Variants in ELMO1 observed in about 807,000 individuals in gnomAD.
ELMO1 encodes the protein engulfment and cell motility 1.
In ELMO1, 26 loss-of-function variants were observed where a neutral mutation model predicts 98.9. The ratio of observed to expected loss-of-function variants is 0.26; its 90% CI spans 0.19 to 0.36. The LOEUF (loss-of-function observed/expected upper bound fraction) is 0.36, where lower values mean the gene tolerates loss of function less well. Ranked by LOEUF, ELMO1 falls within the 10% of genes least tolerant of loss-of-function variation. The probability of loss-of-function intolerance (pLI) is 1.00; values close to 1 mark genes in which losing one functional copy is unlikely to be tolerated. For missense variants in ELMO1, 627 were observed against 935.2 expected (o/e 0.67, Z 4.30); for synonymous variants, 346 against 346.0 (o/e 1.00, Z 0.00).
At chr7:36,985,054 C>T in intron 16 of ELMO1, 1 of 985,326 alleles carries the variant, frequency 1.0e-6, no homozygotes, top group Non-Finnish European at 1.2e-6. Flanking sequence ...CCCACGCTGC[C>T]CCTCCATTGC....
intron 15 of ELMO1, among the ~76,000 whole-genome samples, chr7:37,045,851 T>C (rs937810848): frequency 6.6e-6 from 1 of 152,180 alleles, no homozygotes; most frequent in Non-Finnish European, 1.5e-5. Flanking sequence ...ACACATTATC[T>C]AGATAACAAC....
intron 1 of ELMO1, among the ~76,000 whole-genome samples, chr7:37,365,495 G>C (rs906424129): frequency 1.3e-5 from 2 of 152,214 alleles, no homozygotes. Flanking sequence ...GGAAAAAGCA[G>C]AAGAGAAGCC....
At chr7:36,992,453 T>C (rs1400069648) in intron 16 of ELMO1, among the ~76,000 whole-genome samples, 1 of 152,190 alleles carries the variant, frequency 6.6e-6, no homozygotes, top group African/African-American at 2.4e-5. Context: ...ATTTTCCAAA[T>C]ATACCATGGA....
chr7:36,978,053 A>T (rs1790727024), intron 16 of ELMO1, among the ~76,000 whole-genome samples: 1 of 152,228 alleles, frequency 6.6e-6, no homozygotes, highest in Admixed American at 6.5e-5. Context: ...ACAGTACCTG[A>T]TACAGGGTTG....
At chr7:37,041,854 G>T (rs1225768625) in intron 15 of ELMO1, among the ~76,000 whole-genome samples, 1 of 152,054 alleles carries the variant, frequency 6.6e-6, no homozygotes, top group Admixed American at 6.6e-5. Context: ...AGTGGACACG[G>T]GTTTTCTTGA....
At chr7:37,162,547 TG>T (rs1789297525) in intron 13 of ELMO1, among the ~76,000 whole-genome samples, 1 of 152,226 alleles carries the variant, frequency 6.6e-6, no homozygotes, top group Non-Finnish European at 1.5e-5. Flanking sequence ...CAGGAGCACT[TG>T]TCAACCTACA....
Position 37,232,306 on chromosome 7 carries a change from A to T in ELMO1, c.549+789T>A, listed in dbSNP as rs1379965003. On this transcript the variant is annotated intron_variant, in intron 8 of 21. Transcript: ENST00000310758. ...CCAAACATCTCTTTATTCCTAATAC[A>T]GTAGTAGGGAGGAGAAATGCCAATG... is the stretch of plus-strand genomic sequence containing the variant. 3.3e-5 allele frequency among the ~76,000 whole-genome samples: 5 copies of T among 152,244 alleles called. No individual in the cohort carries two copies. The East Asian group carries it at 9.6e-4, about 29-fold the overall frequency.
chr7:36,980,596 T>A (rs1428125542), intron 16 of ELMO1, among the ~76,000 whole-genome samples: 2 of 152,266 alleles, frequency 1.3e-5, no homozygotes, highest in Non-Finnish European at 2.9e-5. Context: ...ATCATATGAA[T>A]AATTTTCTAG....
chr7:37,033,163 G>A (rs1054348128), intron 15 of ELMO1, among the ~76,000 whole-genome samples: 5 of 152,016 alleles, frequency 3.3e-5, no homozygotes, highest in South Asian at 4.2e-4. Flanking sequence ...ATGCATATAC[G>A]TCTGCCTGCA....
chr7:37,416,478 C>T (rs1804219217), intron 1 of ELMO1, among the ~76,000 whole-genome samples: 1 of 152,146 alleles, frequency 6.6e-6, no homozygotes, highest in Admixed American at 6.5e-5. Flanking sequence ...GACCTATGGC[C>T]ACCTCACCCA....
chr7:37,170,796 G>A (rs758497292), intron 13 of ELMO1, among the ~76,000 whole-genome samples: 4 of 151,864 alleles, frequency 2.6e-5, no homozygotes, highest in Non-Finnish European at 5.9e-5. Context: ...TAGTAGAGAC[G>A]GGGTTTCAAC....
intron 16 of ELMO1, among the ~76,000 whole-genome samples, chr7:36,964,287 T>A (rs899735513): frequency 3.9e-5 from 6 of 152,218 alleles, no homozygotes; most frequent in African/African-American, 1.4e-4. Context: ...ATGCTGAACA[T>A]CATAGCTTAG....
chr7:37,277,739 C>T (rs1244183777), intron 4 of ELMO1, among the ~76,000 whole-genome samples: 1 of 152,226 alleles, frequency 6.6e-6, no homozygotes, highest in Admixed American at 6.5e-5. Context: ...AGCCTCTGGG[C>T]TGAGAATAGA....
chr7:37,133,067 G>A, intron 14 of ELMO1, 63 bp downstream of exon 14: 1 of 1,312,578 alleles, frequency 7.6e-7, no homozygotes, highest in Non-Finnish European at 1.1e-6. Context: ...CTCCGTATTT[G>A]TGAGTTTGAA....
intron 1 of ELMO1, among the ~76,000 whole-genome samples, chr7:37,435,681 C>A (rs1446399196): frequency 2.6e-5 from 4 of 152,210 alleles, no homozygotes; most frequent in African/African-American, 9.7e-5. Context: ...TACACACTTG[C>A]ACATGCTAGA....
intron 14 of ELMO1, among the ~76,000 whole-genome samples, chr7:37,112,073 C>T (rs1405543851): frequency 6.6e-6 from 1 of 151,936 alleles, no homozygotes; most frequent in Non-Finnish European, 1.5e-5. Context: ...TCACTTAAGG[C>T]CATAAAGGAC....
At chr7:37,060,781 T>C (rs932265118) in intron 15 of ELMO1, among the ~76,000 whole-genome samples, 1 of 152,114 alleles carries the variant, frequency 6.6e-6, no homozygotes, top group Admixed American at 6.5e-5. Flanking sequence ...ATTTATACTA[T>C]AAACTAAGTA....
intron 15 of ELMO1, among the ~76,000 whole-genome samples, chr7:37,054,797 C>T (rs956017241): frequency 3.0e-4 from 46 of 152,206 alleles, no homozygotes; most frequent in African/African-American, 1.1e-3. Context: ...CAGAGGAAGG[C>T]ACTACTATGT....
rs538464763 is a variant in ELMO1 at position 36,960,885 on chromosome 7, T to A, written c.1437+52414A>T. Among the ~76,000 whole-genome samples, 29 of 152,234 alleles carry A rather than the reference T, an allele frequency of 1.9e-4. No individual in the cohort carries two copies. The South Asian group carries it at 5.8e-3, about 31-fold the overall frequency. Reference sequence around the variant, plus strand: ...AAACCAGACACCGCCTCCTCCAGCATCCCAACATAAGCAACCACTTTTCTG... The same window carrying A: ...AAACCAGACACCGCCTCCTCCAGCAACCCAACATAAGCAACCACTTTTCTG... On this transcript the variant is annotated intron_variant, in intron 16 of 21. Transcript: ENST00000310758.
Sources: allele counts gnomAD v4.1 joint callset (sites outside exome capture counted in the v4.1 genomes callset), GRCh38; gene constraint gnomAD v4.1.1; transcripts MANE v1.5; gene names NCBI Gene and HGNC (gene_info 2026-07-23, HGNC 2026-07-21).